The following NRAP variants were observed in gnomAD, a reference collection of about 807,000 sequenced individuals.
NRAP encodes nebulin-related-anchoring protein.
A neutral mutation model predicts 225.9 loss-of-function variants in NRAP; 189 were observed. That is an observed-to-expected ratio of 0.84 (90% CI 0.74 to 0.94). The LOEUF is 0.94. NRAP is among the 40% of genes least tolerant of loss of function. The probability of loss-of-function intolerance (pLI) is 0.00; values close to 1 mark genes in which losing one functional copy is unlikely to be tolerated. For synonymous variants in NRAP, 769 were observed against 790.7 expected, an observed-to-expected ratio of 0.97 and a Z score of 0.46; for missense variants, 2,176 against 2,168.7, an observed-to-expected ratio of 1.00 and a Z score of -0.07.
intron 11 of NRAP, among the ~76,000 whole-genome samples, chr10:113,644,871 C>G (rs1849408914): frequency 6.6e-6 from 1 of 152,116 alleles, no homozygotes; most frequent in Admixed American, 6.5e-5. Flanking sequence ...ATAATTGTTC[C>G]CGTTGCCAGA....
At chr10:113,649,639 C>A (rs1849814360) in intron 9 of NRAP, among the ~76,000 whole-genome samples, 1 of 152,080 alleles carries the variant, frequency 6.6e-6, no homozygotes, top group South Asian at 2.1e-4. Context: ...AGAAAATGAG[C>A]ACCACTACTC....
At chr10:113,633,216 G>T (rs1340232875) in intron 15 of NRAP, 28 bp from the exon 16 acceptor site, 3 of 1,276,680 alleles carry the variant, frequency 2.3e-6, no homozygotes, top group Non-Finnish European at 3.4e-6. Flanking sequence ...AATCTGTAGG[G>T]TTTTTATATG....
In NRAP at chr10:113,605,927, G is replaced by C. The variant is rs147716418; in HGVS notation, c.3808-58C>G. ...AAAATTACATGAATCAACGAGCAAA[G>C]GCCACCCCTTTCATTTATAGCACAG... On this transcript the variant is annotated intron_variant, in intron 33 of 41. Transcript: ENST00000359988. 2,115 of 1,243,762 alleles carry C rather than the reference G, an allele frequency of 1.7e-3. 8 individuals are homozygous for C. In the Middle Eastern group the frequency reaches 0.022, roughly 13 times the overall value. The allele number at this position is 1,243,762 out of a possible 1,614,324, so 77.0% of individuals were successfully genotyped here.
intron 35 of NRAP, among the ~76,000 whole-genome samples, chr10:113,603,621 T>C (rs1846742010): frequency 1.3e-5 from 2 of 152,054 alleles, no homozygotes; most frequent in Admixed American, 1.3e-4. Flanking sequence ...ACCACCCTCG[T>C]CCTTACTCCG....
Position 113,624,855 on chromosome 10 carries a change from C to G in NRAP, c.2320G>C (p.Ala774Pro). ...CTGAGATTTGCAGCATTGGCTCGGG[C>G]CTGCAGGAAGAGAGGCTCGTCTTTG... ...ISKDEPLFLQ[A>P]RANAANLSEK... is the part of the protein sequence containing the mutation. The change falls in exon 22 of 42, where the codon GCC becomes CCC. Residue 774 changes from alanine to proline, a missense_variant. This residue lies in a region of NRAP where 1,708 missense variants were observed against 1,695.5 expected (regional missense o/e 1.01). Coordinates refer to ENST00000359988, the MANE Select transcript of NRAP (RefSeq NM_198060.4). The G allele has an allele frequency of 6.2e-7, 1 of 1,614,082 alleles. No homozygotes were observed. Among genetic ancestry groups the G allele is most frequent in the Non-Finnish European group, 8.5e-7 (1 of 1,179,942 alleles).
In NRAP at chr10:113,595,689, T is replaced by A. The variant is rs2133844040; in HGVS notation, c.4470A>T (p.Arg1490Ser). Residue 1490 changes from arginine to serine, a missense_variant, in exon 38 of 42, where the codon AGA becomes AGT. Physicochemically the swap from Arg to Ser is moderately radical, Grantham distance 110. Around this residue, in one of 3 missense-constraint regions of NRAP, gnomAD observed 445 missense variants for 426.1 expected, o/e 1.04. Coordinates refer to ENST00000359988, the MANE Select transcript of NRAP (RefSeq NM_198060.4). ...YRSGDAESLH[R>S]YTLIPDHPDF... ...CGGGATGGTCGGGGATCAGGGTGTA[T>A]CTGTGCAGGGATTCTGCATCTCCAG... The A allele has an allele frequency of 2.5e-6, 4 of 1,613,904 alleles. No homozygotes were observed. The Middle Eastern group carries it at 6.6e-4, about 266-fold the overall frequency.
At chr10:113,595,447 C>T (rs967836820) in intron 38 of NRAP, among the ~76,000 whole-genome samples, 176 bp downstream of exon 38, 4 of 152,124 alleles carry the variant, frequency 2.6e-5, no homozygotes, top group African/African-American at 7.2e-5. Context: ...AAAACAAAAA[C>T]GAGGACCACT....
chr10:113,614,843 C>G lies in NRAP; in HGVS notation c.3182G>C (p.Ser1061Thr). Residue 1061 changes from serine to threonine, a missense_variant, in exon 28 of 42, where the codon AGT (serine) becomes ACT (threonine). Physicochemically the swap from Ser to Thr is moderately conservative, Grantham distance 58. Around this residue, in one of 3 missense-constraint regions of NRAP, gnomAD observed 1,708 missense variants for 1,695.5 expected, o/e 1.01. Coordinates refer to ENST00000359988, the MANE Select transcript of NRAP (RefSeq NM_198060.4). Reference protein sequence around the residue: ...QAAKASGEIISDYKYKEAFEK... With the variant: ...QAAKASGEIITDYKYKEAFEK... ...AGAATGGGGGTGAATGCTCACATCA[C>G]TTATGATTTCACCAGAAGCCTTTGC... is the stretch of plus-strand genomic sequence containing the variant. 1 of 1,581,710 alleles carries G rather than the reference C, an allele frequency of 6.3e-7. No individual in the cohort carries two copies. Among genetic ancestry groups the G allele is most frequent in the South Asian group, 1.1e-5 (1 of 90,460 alleles).
chr10:113,629,283 C>CT (rs34658787), intron 19 of NRAP, among the ~76,000 whole-genome samples: 14 of 151,928 alleles, frequency 9.2e-5, no homozygotes, highest in African/African-American at 9.7e-5. Flanking sequence ...GACCAAGGGC[C>CT]TTTTTTTTGC....
At chr10:113,590,966 A>T in intron 39 of NRAP, 77 bp from the exon 40 acceptor site, 16 of 1,316,280 alleles carry the variant, frequency 1.2e-5, no homozygotes, top group Non-Finnish European at 1.7e-5. Flanking sequence ...GGGCCATCCC[A>T]GGGCATTCTC....
intron 38 of NRAP, among the ~76,000 whole-genome samples, chr10:113,592,632 G>C (rs537693183): frequency 6.6e-6 from 1 of 152,076 alleles, no homozygotes. Context: ...TCAGTGCTTC[G>C]GGTTTGCAGC....
At chr10:113,631,440 T>C (rs1848571914) in intron 18 of NRAP, 69 bp downstream of exon 18, 1 of 875,508 alleles carries the variant, frequency 1.1e-6, no homozygotes, top group Non-Finnish European at 1.8e-6. Flanking sequence ...CCAGGTGAAG[T>C]AGGCCCAGGG....
intron 41 of NRAP, 195 bp from the exon 42 acceptor site, chr10:113,589,274 A>G (rs1845787643): frequency 5.1e-6 from 3 of 591,542 alleles, no homozygotes; most frequent in Non-Finnish European, 8.9e-6. Context: ...CCAATCTCTC[A>G]TTTAGACCTG....
At chr10:113,622,524 G>A (rs1050620547) in intron 23 of NRAP, among the ~76,000 whole-genome samples, 1 of 152,168 alleles carries the variant, frequency 6.6e-6, no homozygotes, top group African/African-American at 2.4e-5. Flanking sequence ...ATATTTGGGG[G>A]AGTATGAGGG....
intron 38 of NRAP, among the ~76,000 whole-genome samples, chr10:113,593,919 A>T (rs1021789437): frequency 1.3e-5 from 2 of 152,246 alleles, no homozygotes; most frequent in Admixed American, 1.3e-4. Flanking sequence ...ACTCAGGGTC[A>T]ACTAGAAAGC....
In NRAP at chr10:113,645,887, G is replaced by A. The variant is rs529484416; in HGVS notation, c.1048C>T (p.Leu350Phe). Residue 350 changes from leucine to phenylalanine, a missense_variant, in exon 11 of 42, where the codon CTT becomes TTT. Coordinates refer to ENST00000359988, the MANE Select transcript of NRAP (RefSeq NM_198060.4). ...AGAACCAAGTTGTCTTGAGCTGGAAGCGAGTGATAATGTGCAGCGCCTTTC... is the reference window on the plus strand; with the variant it reads ...AGAACCAAGTTGTCTTGAGCTGGAAACGAGTGATAATGTGCAGCGCCTTTC... ...KMKGAAHYHS[L>F]PAQDNLVLKQ... The A allele has an allele frequency of 2.5e-6, 4 of 1,611,244 alleles. No individual in the cohort carries two copies. The South Asian group carries it at 4.4e-5, about 18-fold the overall frequency.
In NRAP at chr10:113,647,019, C is replaced by G; in HGVS notation, c.897G>C (p.Pro299=). The change falls in exon 10 of 42, where the codon CCG becomes CCC. Residue 299 remains proline (P), a synonymous_variant. Coordinates refer to ENST00000359988, the MANE Select transcript of NRAP (RefSeq NM_198060.4). The stretch of plus-strand genomic sequence containing the variant: ...TTCCCCTGTGCTCCTCATACTCCTC[C>G]GGGTAACCCTGCCGGGTGCATCAAA... The part of the protein sequence containing the change: ...ECADQYGQGY[P]EEYEEHRGKG... 1 of 1,612,988 alleles carries G rather than the reference C, an allele frequency of 6.2e-7. No individual in the cohort carries two copies. The highest frequency in any genetic ancestry group is 1.3e-5 in the African/African-American group (1 of 74,992).
chr10:113,631,496 G>C lies in NRAP; in HGVS notation c.1842+13C>G. 6.4e-7 allele frequency: 1 copy of C among 1,550,526 alleles called. No individual in the cohort carries two copies. The highest frequency in any genetic ancestry group is 8.8e-7 in the Non-Finnish European group (1 of 1,135,092). On this transcript the variant is annotated intron_variant, in intron 18 of 41. Transcript: ENST00000359988. Reference sequence around the variant, plus strand: ...ACTGTAAGTGAGAGGTTGGGGGTTAGAAAAGAGTTTACCTCACTGCTCATC... The same window carrying C: ...ACTGTAAGTGAGAGGTTGGGGGTTACAAAAGAGTTTACCTCACTGCTCATC...
intron 3 of NRAP, among the ~76,000 whole-genome samples, chr10:113,658,034 C>T (rs10885489): frequency 0.17 from 25,343 of 152,102 alleles, 2,311 homozygotes; most frequent in African/African-American, 0.25. Context: ...TTAATTTTTA[C>T]ATATAGATAA....
Sources: allele counts gnomAD v4.1 joint callset (sites outside exome capture counted in the v4.1 genomes callset), GRCh38; gene constraint gnomAD v4.1.1; regional missense constraint gnomAD v4.1.1; transcripts MANE v1.5; gene names NCBI Gene and HGNC (gene_info 2026-07-23, HGNC 2026-07-21).